The following NOP2 variants were observed in gnomAD, a reference collection of about 807,000 sequenced individuals.
NOP2 encodes the protein NOP2 nucleolar protein.
In NOP2, 7 loss-of-function variants were observed where a neutral mutation model predicts 72.7. That is an observed-to-expected ratio of 0.10 (90% CI 0.05 to 0.18). The LOEUF (loss-of-function observed/expected upper bound fraction) is 0.18, where lower values mean the gene tolerates loss of function less well. Ranked by LOEUF, NOP2 falls within the 10% of genes least tolerant of loss-of-function variation. The probability of loss-of-function intolerance (pLI) is 1.00; values close to 1 mark genes in which losing one functional copy is unlikely to be tolerated. For synonymous variants in NOP2, 387 were observed against 388.0 expected (o/e 1.00, Z 0.03); for missense variants, 954 against 1,014.7 (o/e 0.94, Z 0.81).
At chr12:6,564,212 G>A (rs1947721097) in intron 5 of NOP2, 4 of 834,766 alleles carry the variant, frequency 4.8e-6, no homozygotes, top group Non-Finnish European at 7.0e-6. Flanking sequence ...GGAGGTGGAG[G>A]TTGCAGTGAG....
chr12:6,564,738 G>GTTT (rs78142654), intron 5 of NOP2, among the ~76,000 whole-genome samples: 1 of 132,292 alleles, frequency 7.6e-6, no homozygotes, highest in Non-Finnish European at 1.6e-5. Context: ...CCATTTTGTC[G>GTTT]TTTTTTTTTT....
intron 9 of NOP2, among the ~76,000 whole-genome samples, chr12:6,562,524 A>C (rs754863507): frequency 4.6e-5 from 7 of 152,298 alleles, no homozygotes; most frequent in Non-Finnish European, 7.4e-5. Flanking sequence ...CCAATGGAGC[A>C]GGATGCCACC....
At chr12:6,563,271 G>A (rs748469970) in intron 8 of NOP2, 44 bp downstream of exon 8, 43 of 1,553,054 alleles carry the variant, frequency 2.8e-5, no homozygotes, top group East Asian at 4.8e-5. Context: ...AGCGTAAGGA[G>A]GCGAGAAAAG....
intron 4 of NOP2, 77 bp downstream of exon 4, chr12:6,566,452 A>C: frequency 6.5e-7 from 1 of 1,531,798 alleles, no homozygotes; most frequent in Non-Finnish European, 9.0e-7. Flanking sequence ...TTCACTCCGG[A>C]AATGTTTAGC....
intron 1 of NOP2, 27 bp from the exon 2 acceptor site, chr12:6,567,949 T>C (rs770224934): frequency 6.3e-7 from 1 of 1,578,696 alleles, no homozygotes; most frequent in Admixed American, 1.7e-5. Context: ...TGGGAGAAGG[T>C]GGCGTCGCGC....
chr12:6,567,755 G>T, intron 2 of NOP2, 61 bp downstream of exon 2: 1 of 1,248,558 alleles, frequency 8.0e-7, no homozygotes, highest in South Asian at 1.3e-5. Flanking sequence ...AAAAAGAGAA[G>T]AGGTTATAAT....
chr12:6,563,393 G>C lies in NOP2; in HGVS notation c.810C>G (p.Leu270=). The C allele has an allele frequency of 1.2e-6, 2 of 1,606,010 alleles. No individual in the cohort carries two copies. The highest frequency in any genetic ancestry group is 1.7e-6 in the Non-Finnish European group (2 of 1,176,238). ...GRSRSEYLNR[L]KKDLAIYYSY... is the part of the protein sequence containing the mutation. ...AGTAGTAAATGGCCAGATCCTTCTT[G>C]AGCCGGTTCAGGTATTCAGAACGAG... Residue 270 remains leucine (L), a synonymous_variant, in exon 8 of 16, where the codon CTC becomes CTG. Transcript: ENST00000322166.
At position 6,568,263 on chromosome 12, in the gene NOP2, G is replaced by C. The variant is rs187029935; in HGVS notation, c.-61C>G. ...TCGGGCGGCCCTCCACGTGCAATCC[G>C]GACCTAGCTTTCGGCCGGCACTCGC... On this transcript the variant is annotated 5_prime_UTR_variant, in exon 1 of 16. Transcript: ENST00000322166. 7 of 219,420 alleles carry C rather than the reference G, an allele frequency of 3.2e-5. No homozygotes were observed. Among genetic ancestry groups the C allele is most frequent in the African/African-American group, 9.2e-5 (4 of 43,384 alleles). 13.6% of individuals were successfully genotyped at this position (219,420 alleles called of 1,614,324 possible). A position where few individuals can be genotyped will look rare whatever the true frequency, so the allele number is the denominator to read the frequency against.
At position 6,560,818 on chromosome 12, in the gene NOP2, C is replaced by G. The variant is rs1947627373; in HGVS notation, c.1348-31G>C. On this transcript the variant is annotated intron_variant, in intron 12 of 15. Transcript: ENST00000322166. This position sits in a 1 kb window ranked among gnomAD's most constrained non-coding sequence, Gnocchi z 5.0. ...GAAAAGATACAGATGAATCATATGT[C>G]TCTTCTGCAACCAGCAGGGCAATAT... The G allele has an allele frequency of 6.2e-7, 1 of 1,608,392 alleles. No individual in the cohort carries two copies. The highest frequency in any genetic ancestry group is 8.5e-7 in the Non-Finnish European group (1 of 1,176,602).
In NOP2 at chr12:6,563,399, G is replaced by T. The variant is rs771143478; in HGVS notation, c.804C>A (p.Asn268Lys). 1 of 1,606,770 alleles carries T rather than the reference G, an allele frequency of 6.2e-7. No homozygotes were observed. The highest frequency in any genetic ancestry group is 8.5e-7 in the Non-Finnish European group (1 of 1,176,650). ...EEGRSRSEYLNRLKKDLAIYY... is the reference protein window; with the variant it reads ...EEGRSRSEYLKRLKKDLAIYY... ...AAATGGCCAGATCCTTCTTGAGCCG[G>T]TTCAGGTATTCAGAACGAGACCGCC... Residue 268 changes from asparagine (N) to lysine (K), a missense_variant, in exon 8 of 16, where the codon AAC becomes AAA. Around this residue, in one of 3 missense-constraint regions of NOP2, gnomAD observed 498 missense variants for 478.3 expected, o/e 1.04. Coordinates refer to ENST00000322166, the MANE Select transcript of NOP2 (RefSeq NM_001258308.2).
At chr12:6,561,138 T>C (rs1947638661) in intron 11 of NOP2, 68 bp from the exon 12 acceptor site, 1 of 1,578,616 alleles carries the variant, frequency 6.3e-7, no homozygotes, top group Non-Finnish European at 8.6e-7. Context: ...CCCACCCTCC[T>C]GTCCAGGAAT....
At chr12:6,567,058 CCTT>C (rs1268718191) in intron 2 of NOP2, among the ~76,000 whole-genome samples, 3 of 152,004 alleles carry the variant, frequency 2.0e-5, no homozygotes, top group South Asian at 4.2e-4. Flanking sequence ...ACTGCAACCT[CCTT>C]CTCCCAGATT....
chr12:6,557,245 A>T lies in NOP2; in HGVS notation c.2187T>A (p.Ala729=), dbSNP rs1196781847. 2 of 1,613,862 alleles carry T rather than the reference A, an allele frequency of 1.2e-6. No homozygotes were observed. The highest frequency in any genetic ancestry group is 1.7e-6 in the Non-Finnish European group (2 of 1,179,890). Residue 729 remains alanine (A), a synonymous_variant, in exon 16 of 16, where the codon GCT becomes GCA. Transcript: ENST00000322166. ...PPKGTDTQTP[A]VLSPSKTQAT... ...CCTGAGTCTTGGATGGGGATAACACAGCCGGTGTTTGTGTGTCTGTGCCCT... is the reference window on the plus strand; with the variant it reads ...CCTGAGTCTTGGATGGGGATAACACTGCCGGTGTTTGTGTGTCTGTGCCCT...
At position 6,566,766 on chromosome 12, in the gene NOP2, C is replaced by G; in HGVS notation, c.149+11G>C. On this transcript the variant is annotated intron_variant, in intron 3 of 15. Coordinates refer to ENST00000322166, the MANE Select transcript of NOP2 (RefSeq NM_001258308.2). ...AATTTAACCTACTTAAGTTTTGACA[C>G]CCACACTTACCTCTTTCGAGCACGA... 6.2e-7 allele frequency: 1 copy of G among 1,612,882 alleles called. No individual in the cohort carries two copies. Among genetic ancestry groups the G allele is most frequent in the Non-Finnish European group, 8.5e-7 (1 of 1,179,254 alleles).
chr12:6,566,315 T>C lies in NOP2; in HGVS notation c.260A>G (p.Gln87Arg). Residue 87 changes from glutamine to arginine, a missense_variant, in exon 5 of 16, where the codon CAG becomes CGG. Gln to Arg is a conservative substitution (Grantham distance 43). This residue lies in a region of NOP2 where 498 missense variants were observed against 478.3 expected (regional missense o/e 1.04). Transcript: ENST00000322166. Reference protein sequence around the residue: ...LPKGISAGAVQTAGKKGPQSL... With the variant: ...LPKGISAGAVRTAGKKGPQSL... The stretch of plus-strand genomic sequence containing the variant: ...CTGGGGTCCCTTCTTACCAGCTGTC[T>C]GGACAGCTCCTGCAGAGATCCCTAA... 1 of 1,613,168 alleles carries C rather than the reference T, an allele frequency of 6.2e-7. No individual in the cohort carries two copies. The highest frequency in any genetic ancestry group is 8.5e-7 in the Non-Finnish European group (1 of 1,179,348).
chr12:6,567,562 C>A, intron 2 of NOP2: 1 of 385,882 alleles, frequency 2.6e-6, no homozygotes. Context: ...TGGGCTCCCC[C>A]TTCCTCTGAA....
At chr12:6,565,153 TTA>T (rs1236002056) in intron 5 of NOP2, among the ~76,000 whole-genome samples, 5 of 138,160 alleles carry the variant, frequency 3.6e-5, no homozygotes, top group East Asian at 1.9e-4. Context: ...AAGGAAGCAG[TTA>T]TTTTTTTTTT....
chr12:6,559,019 G>A (rs1173088404), intron 15 of NOP2, among the ~76,000 whole-genome samples: 3 of 151,986 alleles, frequency 2.0e-5, no homozygotes, highest in Non-Finnish European at 2.9e-5. Flanking sequence ...ATGCAATAGC[G>A]TGATCTCGGC....
chr12:6,560,269 C>G lies in NOP2; in HGVS notation c.1618G>C (p.Val540Leu). 1.2e-6 allele frequency: 2 copies of G among 1,613,958 alleles called. No homozygotes were observed. The highest frequency in any genetic ancestry group is 1.7e-6 in the Non-Finnish European group (2 of 1,179,894). ...YALKKRNVRLVPTGLDFGQEG... is the reference protein window; with the variant it reads ...YALKKRNVRLLPTGLDFGQEG... Reference sequence around the variant, plus strand: ...TGGCCAAAGTCTAGGCCCGTGGGCACCAGTCGCACATTCCTCTTTTTCAGA... The same window carrying G: ...TGGCCAAAGTCTAGGCCCGTGGGCAGCAGTCGCACATTCCTCTTTTTCAGA... The change falls in exon 15 of 16, where the codon GTG (valine) becomes CTG (leucine). Residue 540 changes from valine (V) to leucine (L), a missense_variant. Physicochemically the swap from Val to Leu is conservative, Grantham distance 32. Around this residue, in one of 3 missense-constraint regions of NOP2, gnomAD observed 187 missense variants for 276.2 expected, o/e 0.68. Coordinates refer to ENST00000322166, the MANE Select transcript of NOP2 (RefSeq NM_001258308.2). The surrounding 1 kb of genome is among the most constrained non-coding windows in gnomAD (Gnocchi z 5.0).
Sources: allele counts gnomAD v4.1 joint callset (sites outside exome capture counted in the v4.1 genomes callset), GRCh38; gene constraint gnomAD v4.1.1; regional missense constraint gnomAD v4.1.1; non-coding constraint Gnocchi (gnomAD v3.1); transcripts MANE v1.5; gene names NCBI Gene and HGNC (gene_info 2026-07-23, HGNC 2026-07-21).